SUGCT: variants seen among roughly 807,000 people sequenced by gnomAD.
SUGCT encodes succinyl-CoA:glutarate CoA-transferase.
SUGCT carries 41 observed loss-of-function variants against 55.0 expected under a neutral mutation model. That is an observed-to-expected ratio of 0.74 (90% CI 0.58 to 0.97). The LOEUF (loss-of-function observed/expected upper bound fraction) is 0.97, where lower values mean the gene tolerates loss of function less well. Ranked by LOEUF, SUGCT falls within the 50% of genes least tolerant of loss-of-function variation. SUGCT has a pLI of 0.00. For synonymous variants in SUGCT, 187 were observed against 200.4 expected, an observed-to-expected ratio of 0.93 and a Z score of 0.56; for missense variants, 568 against 547.8, an observed-to-expected ratio of 1.04 and a Z score of -0.37.
chr7:40,937,735 C>T, the SUGCT span, among the ~76,000 whole-genome samples: 115 of 152,082 alleles, frequency 7.6e-4, 1 homozygote, highest in South Asian at 4.4e-3. Flanking sequence ...TTTTGGTTAC[C>T]GCGTGGATAG....
chr7:40,480,324 T>C (rs984682882), intron 11 of SUGCT, among the ~76,000 whole-genome samples: 17 of 152,320 alleles, frequency 1.1e-4, no homozygotes, highest in African/African-American at 4.1e-4. Context: ...ATCATTTCAC[T>C]GTAGATGCAT....
intron 9 of SUGCT, among the ~76,000 whole-genome samples, chr7:40,325,342 A>G (rs992005260): frequency 6.6e-6 from 1 of 152,138 alleles, no homozygotes; most frequent in Non-Finnish European, 1.5e-5. Flanking sequence ...ATGTGAAGGT[A>G]TAAACAGGCA....
intron 12 of SUGCT, among the ~76,000 whole-genome samples, chr7:40,550,515 G>C (rs1207758664): frequency 6.6e-6 from 1 of 152,150 alleles, no homozygotes; most frequent in East Asian, 1.9e-4. Flanking sequence ...ATGCCTGCTT[G>C]GGTAGAGGAG....
the SUGCT span, among the ~76,000 whole-genome samples, chr7:40,878,443 G>C: frequency 1.3e-5 from 2 of 152,130 alleles, no homozygotes; most frequent in Admixed American, 6.5e-5. Context: ...CTGATTGTCT[G>C]GTAGGCTTCA....
At chr7:40,196,893 G>C (rs1786322265) in intron 6 of SUGCT, among the ~76,000 whole-genome samples, 1 of 152,094 alleles carries the variant, frequency 6.6e-6, no homozygotes, top group Non-Finnish European at 1.5e-5. Flanking sequence ...GGAGTGCTTT[G>C]GTGCAATCTC....
chr7:40,382,420 A>T (rs1232107452), intron 9 of SUGCT, among the ~76,000 whole-genome samples: 1 of 152,198 alleles, frequency 6.6e-6, no homozygotes, highest in East Asian at 1.9e-4. Context: ...TGGCACTTCC[A>T]CTCCACTTTA....
At chr7:41,028,960 C>T in the SUGCT span, among the ~76,000 whole-genome samples, 1 of 152,164 alleles carries the variant, frequency 6.6e-6, no homozygotes, top group Admixed American at 6.5e-5. Flanking sequence ...CTCTAATATA[C>T]CCCCAGAGAA....
the SUGCT span, among the ~76,000 whole-genome samples, chr7:40,899,856 G>A: frequency 1.1e-4 from 16 of 152,268 alleles, no homozygotes; most frequent in African/African-American, 3.6e-4. Flanking sequence ...ACTCCTTCCC[G>A]AGCGTATGGC....
chr7:40,776,338 A>G (rs1256541974), intron 13 of SUGCT, among the ~76,000 whole-genome samples: 1 of 152,116 alleles, frequency 6.6e-6, no homozygotes, highest in Non-Finnish European at 1.5e-5. Flanking sequence ...AGACTGAAAG[A>G]CTTTTTGAGT....
chr7:40,955,578 A>G, the SUGCT span, among the ~76,000 whole-genome samples: 1 of 152,194 alleles, frequency 6.6e-6, no homozygotes, highest in Non-Finnish European at 1.5e-5. Flanking sequence ...GTCATCTGCA[A>G]ACAGAGATAA....
chr7:40,261,572 C>T (rs183365167), intron 7 of SUGCT, among the ~76,000 whole-genome samples: 38 of 152,182 alleles, frequency 2.5e-4, no homozygotes, highest in African/African-American at 8.2e-4. Context: ...GCTTGCCTGG[C>T]GTGTAATAAA....
intron 12 of SUGCT, among the ~76,000 whole-genome samples, chr7:40,503,891 T>C (rs1792439910): frequency 6.6e-6 from 1 of 152,160 alleles, no homozygotes; most frequent in Non-Finnish European, 1.5e-5. Flanking sequence ...GTTATTGCAA[T>C]GAATATGACC....
At chr7:40,476,885 C>G (rs1013959225) in intron 11 of SUGCT, among the ~76,000 whole-genome samples, 2 of 152,014 alleles carry the variant, frequency 1.3e-5, no homozygotes, top group African/African-American at 4.8e-5. Flanking sequence ...CAACCTCTGC[C>G]TCTCAGGTTC....
At chr7:40,226,859 G>A (rs2150844004) in intron 6 of SUGCT, among the ~76,000 whole-genome samples, 1 of 151,550 alleles carries the variant, frequency 6.6e-6, no homozygotes, top group Admixed American at 6.6e-5. Flanking sequence ...AGTGAGCTGA[G>A]GTCCTGCCAT....
chr7:40,865,468 C>T (rs1057364504), downstream of SUGCT, among the ~76,000 whole-genome samples: 1 of 152,156 alleles, frequency 6.6e-6, no homozygotes, highest in Non-Finnish European at 1.5e-5. Flanking sequence ...TGGGCTGTGG[C>T]AGAGTTCTCA....
chr7:41,030,580 A>G, the SUGCT span, among the ~76,000 whole-genome samples: 2 of 152,170 alleles, frequency 1.3e-5, no homozygotes, highest in East Asian at 3.9e-4. Context: ...AGAAATTTTA[A>G]GATTAGATTT....
At chr7:40,174,920 TA>T (rs1210265549) in intron 1 of SUGCT, among the ~76,000 whole-genome samples, 1 of 152,160 alleles carries the variant, frequency 6.6e-6, no homozygotes. Flanking sequence ...GAGTATTGAA[TA>T]GTTATCTTTT....
chr7:40,762,989 T>A (rs145896918), intron 13 of SUGCT, among the ~76,000 whole-genome samples: 45 of 151,408 alleles, frequency 3.0e-4, no homozygotes, highest in African/African-American at 1.1e-3. Flanking sequence ...ATTTTTGTAT[T>A]TTTTTTTAGT....
At chr7:40,854,474 TTCTCTTTCTC>T (rs1563050936) in intron 13 of SUGCT, among the ~76,000 whole-genome samples, 34 of 135,250 alleles carry the variant, frequency 2.5e-4, no homozygotes, top group South Asian at 7.2e-4. Flanking sequence ...CTTTCTTTCT[TTCTCTTTCTC>T]TCTTTCTTTC....
Sources: allele counts gnomAD v4.1 joint callset (sites outside exome capture counted in the v4.1 genomes callset), GRCh38; gene constraint gnomAD v4.1.1; transcripts MANE v1.5; gene names NCBI Gene and HGNC (gene_info 2026-07-23, HGNC 2026-07-21).